TSGA10: variants seen among roughly 807,000 people sequenced by gnomAD.
The protein encoded by TSGA10 is testis-specific gene 10 protein.
In TSGA10, 43 loss-of-function variants were observed where a neutral mutation model predicts 96.6. That is an observed-to-expected ratio of 0.44 (90% confidence interval 0.35 to 0.57). TSGA10 has a LOEUF of 0.57. Among genes scored for constraint, TSGA10 ranks in the 20% least tolerant of loss-of-function variants. TSGA10 has a pLI of 0.01. For synonymous variants in TSGA10, 229 were observed against 269.9 expected, an observed-to-expected ratio of 0.85 and a Z score of 1.48; for missense variants, 703 against 834.4, an observed-to-expected ratio of 0.84 and a Z score of 1.94.
intron 16 of TSGA10, among the ~76,000 whole-genome samples, chr2:99,040,725 T>C (rs750835969): frequency 1.6e-4 from 24 of 151,468 alleles, no homozygotes; most frequent in Non-Finnish European, 2.7e-4. Flanking sequence ...GCAATTCCTA[T>C]CAAAATACCA....
intron 13 of TSGA10, 47 bp downstream of exon 13, chr2:99,072,971 T>C: frequency 7.4e-7 from 1 of 1,353,886 alleles, no homozygotes; most frequent in Non-Finnish European, 1.1e-6. Flanking sequence ...AACATGGTAC[T>C]TGGCCCCCCA....
At chr2:99,018,484 GCTTTC>G in intron 19 of TSGA10, 47 bp downstream of exon 19, 2 of 1,585,290 alleles carry the variant, frequency 1.3e-6, no homozygotes, top group Non-Finnish European at 1.7e-6. Context: ...AAGAAACAAT[GCTTTC>G]CATGCTGAAA....
intron 20 of TSGA10, among the ~76,000 whole-genome samples, chr2:99,016,738 C>T (rs906614286): frequency 1.3e-5 from 2 of 152,166 alleles, no homozygotes; most frequent in African/African-American, 4.8e-5. Context: ...TCTTCCCAAA[C>T]GTGCATCCAG....
Position 99,013,620 on chromosome 2 carries a change from C to T in TSGA10, c.2072+4580G>A, listed in dbSNP as rs925818924. Reference sequence around the variant, plus strand: ...TGCTGGGATTACAGGCGTGAGCCACCGCACCCAGCCTGAAGTATCTTCTTA... The same window carrying T: ...TGCTGGGATTACAGGCGTGAGCCACTGCACCCAGCCTGAAGTATCTTCTTA... On this transcript the variant is annotated intron_variant, in intron 20 of 20. Coordinates refer to ENST00000393483, the MANE Select transcript of TSGA10 (RefSeq NM_025244.4). Among the ~76,000 whole-genome samples, 5 of 151,754 alleles carry T rather than the reference C, an allele frequency of 3.3e-5. No individual in the cohort carries two copies. In the East Asian group the frequency reaches 7.8e-4, roughly 24 times the overall value.
chr2:99,049,068 T>C (rs869249243), intron 16 of TSGA10, among the ~76,000 whole-genome samples: 2 of 152,136 alleles, frequency 1.3e-5, no homozygotes, highest in Non-Finnish European at 2.9e-5. Context: ...ATCATTAAAA[T>C]GTCAGGAAAC....
intron 2 of TSGA10, chr2:99,124,937 T>A (rs1357385931): frequency 6.6e-6 from 1 of 152,210 alleles, no homozygotes; most frequent in Non-Finnish European, 1.5e-5. Flanking sequence ...GGGTTCACTC[T>A]TGGCGTTATT....
In TSGA10 at chr2:99,150,638, G is replaced by A. The variant is rs557788403; in HGVS notation, c.-621+4055C>T. On this transcript the variant is annotated intron_variant, in intron 1 of 20. Coordinates refer to ENST00000393483, the MANE Select transcript of TSGA10 (RefSeq NM_025244.4). ...TCAAAAGTGGATGATCACTTAATAC[G>A]AGGGACTGAAAAAAGCAGGTTGGAA... 131 of 1,613,928 alleles carry A rather than the reference G, an allele frequency of 8.1e-5. 1 individual carries two copies. In the South Asian group the frequency reaches 1.3e-3, roughly 16 times the overall value.
Position 99,023,838 on chromosome 2 carries a change from ACTTT to A in TSGA10, c.1615-3360_1615-3357del, listed in dbSNP as rs143191779. ...GAAATCAGGGAAGTGTGATTCTCCA[ACTTT>A]CTTTTTCTTTTTCAAGATTGTTTTG... On this transcript the variant is annotated intron_variant, in intron 17 of 20. Transcript: ENST00000393483. Among the ~76,000 whole-genome samples the A allele has an allele frequency of 5.8e-3, 888 of 152,190 alleles. 10 individuals carry two copies. The highest frequency in any genetic ancestry group is 0.02 in the African/African-American group (849 of 41,514).
At chr2:99,105,232 G>T in intron 9 of TSGA10, 127 bp downstream of exon 9, 1 of 693,386 alleles carries the variant, frequency 1.4e-6, no homozygotes, top group Non-Finnish European at 2.2e-6. Flanking sequence ...AATACCTTAA[G>T]TATTTTAGGA....
chr2:99,150,307 A>G (rs905386860), intron 1 of TSGA10, among the ~76,000 whole-genome samples: 19 of 152,228 alleles, frequency 1.2e-4, no homozygotes, highest in Admixed American at 5.9e-4. Flanking sequence ...AAGACTTTCA[A>G]ATAAATCTTT....
intron 2 of TSGA10, among the ~76,000 whole-genome samples, chr2:99,120,643 G>C (rs967422272): frequency 1.3e-5 from 2 of 152,118 alleles, no homozygotes; most frequent in African/African-American, 4.8e-5. Flanking sequence ...ATGTAGTACA[G>C]AGAAGTCTCA....
chr2:99,128,692 G>A (rs1240996301), intron 1 of TSGA10, among the ~76,000 whole-genome samples: 1 of 152,168 alleles, frequency 6.6e-6, no homozygotes, highest in Non-Finnish European at 1.5e-5. Flanking sequence ...GAGTACTTCT[G>A]TAATTTTGTC....
intron 16 of TSGA10, among the ~76,000 whole-genome samples, chr2:99,056,020 G>C (rs13003244): frequency 6.6e-6 from 1 of 151,764 alleles, no homozygotes; most frequent in Non-Finnish European, 1.5e-5. Context: ...TGGCTAATAC[G>C]GTGAAACCCC....
intron 1 of TSGA10, among the ~76,000 whole-genome samples, chr2:99,137,138 C>T (rs2093359579): frequency 6.6e-6 from 1 of 151,922 alleles, no homozygotes; most frequent in South Asian, 2.1e-4. Flanking sequence ...GCTGGGATTA[C>T]AGGCACCTGC....
intron 20 of TSGA10, among the ~76,000 whole-genome samples, chr2:99,014,490 G>T (rs942941748): frequency 1.3e-5 from 2 of 152,150 alleles, no homozygotes; most frequent in African/African-American, 4.8e-5. Context: ...TACACCAAAA[G>T]TAGTACTAAG....
intron 1 of TSGA10, among the ~76,000 whole-genome samples, chr2:99,137,232 T>C (rs972226476): frequency 1.3e-5 from 2 of 152,104 alleles, no homozygotes; most frequent in African/African-American, 2.4e-5. Flanking sequence ...CCTGACCTCA[T>C]GATCCACCCG....
chr2:99,057,960 A>AT (rs1303038508), intron 16 of TSGA10, among the ~76,000 whole-genome samples: 1 of 152,174 alleles, frequency 6.6e-6, no homozygotes, highest in Non-Finnish European at 1.5e-5. Context: ...TGATCTATTG[A>AT]TTTTTGATAG....
At chr2:99,080,965 T>C (rs1404762883) in intron 11 of TSGA10, among the ~76,000 whole-genome samples, 1 of 152,168 alleles carries the variant, frequency 6.6e-6, no homozygotes, top group Non-Finnish European at 1.5e-5. Context: ...TACTGTTTCA[T>C]TACAGCAGCT....
chr2:99,067,420 G>A (rs2104481077), intron 15 of TSGA10, among the ~76,000 whole-genome samples: 1 of 152,346 alleles, frequency 6.6e-6, no homozygotes, highest in Non-Finnish European at 1.5e-5. Flanking sequence ...AGCCTAAGAA[G>A]CTTGATGTGT....
Sources: allele counts gnomAD v4.1 joint callset (sites outside exome capture counted in the v4.1 genomes callset), GRCh38; gene constraint gnomAD v4.1.1; transcripts MANE v1.5; gene names NCBI Gene and HGNC (gene_info 2026-07-23, HGNC 2026-07-21).